Variants in NALF1 observed in about 807,000 individuals in gnomAD.
The protein encoded by NALF1 is NALCN channel auxiliary factor 1, also known as family with sequence similarity 155 member A.
Under a neutral mutation model 48.4 loss-of-function variants are expected in NALF1, and 3 were observed. That is an observed-to-expected ratio of 0.06 (90% confidence interval 0.03 to 0.16). The LOEUF is 0.16. NALF1 is among the 10% of genes least tolerant of loss of function. The probability of loss-of-function intolerance (pLI) is 1.00; values close to 1 mark genes in which losing one functional copy is unlikely to be tolerated. For synonymous variants in NALF1, 262 were observed against 245.7 expected, an observed-to-expected ratio of 1.07 and a Z score of -0.62; for missense variants, 526 against 571.5, an observed-to-expected ratio of 0.92 and a Z score of 0.81.
intron 1 of NALF1, among the ~76,000 whole-genome samples, chr13:107,340,466 CTTCTCTCTTTCTTTCTTTCTTTT>C (rs1280494952): frequency 9.8e-6 from 1 of 101,700 alleles, no homozygotes; most frequent in Non-Finnish European, 2.4e-5. Flanking sequence ...TTCTTTCTTT[CTTCTCTCTTTCTTTCTTTCTTTT>C]TGTCTTTCTT....
chr13:107,364,407 T>C (rs1883115653), intron 1 of NALF1, among the ~76,000 whole-genome samples: 2 of 152,230 alleles, frequency 1.3e-5, no homozygotes, highest in South Asian at 4.1e-4. Flanking sequence ...CCTGTCCACA[T>C]ATGTAACATA....
At chr13:107,514,521 G>T (rs975582235) in intron 1 of NALF1, among the ~76,000 whole-genome samples, 1 of 152,004 alleles carries the variant, frequency 6.6e-6, no homozygotes, top group African/African-American at 2.4e-5. Context: ...ATGGGCCCAG[G>T]TTTGAAGGCC....
intron 1 of NALF1, among the ~76,000 whole-genome samples, chr13:107,859,880 A>C (rs1880523363): frequency 7.1e-6 from 1 of 140,794 alleles, no homozygotes; most frequent in Admixed American, 7.8e-5. Flanking sequence ...ACGCCACTGC[A>C]CTCCAGCCTG....
intron 2 of NALF1, among the ~76,000 whole-genome samples, chr13:107,209,888 A>G (rs924968614): frequency 2.0e-5 from 3 of 152,118 alleles, no homozygotes; most frequent in African/African-American, 7.2e-5. Context: ...CTCACCATTT[A>G]ATTATCTTTT....
chr13:107,614,787 C>CT (rs1256420986), intron 1 of NALF1, among the ~76,000 whole-genome samples: 4 of 111,372 alleles, frequency 3.6e-5, no homozygotes, highest in African/African-American at 1.3e-4. Context: ...TCTTTCTTTT[C>CT]TTTTTTTGAA....
chr13:107,477,168 C>T (rs1028182766), intron 1 of NALF1, among the ~76,000 whole-genome samples: 12 of 151,990 alleles, frequency 7.9e-5, no homozygotes, highest in African/African-American at 1.4e-4. Context: ...AGTTTAATAA[C>T]GAGGACCAAG....
chr13:107,435,008 C>T (rs570303162), intron 1 of NALF1, among the ~76,000 whole-genome samples: 33 of 152,196 alleles, frequency 2.2e-4, no homozygotes, highest in African/African-American at 7.7e-4. Context: ...AGGTGGATTT[C>T]TGGAGGCAAC....
intron 1 of NALF1, among the ~76,000 whole-genome samples, chr13:107,535,001 A>G (rs1415663226): frequency 2.6e-5 from 4 of 152,144 alleles, no homozygotes; most frequent in Non-Finnish European, 4.4e-5. Flanking sequence ...TTATTGCTGT[A>G]TAAGAATGCT....
intron 1 of NALF1, among the ~76,000 whole-genome samples, chr13:107,528,967 G>T (rs904494967): frequency 1.3e-5 from 2 of 152,150 alleles, no homozygotes; most frequent in Non-Finnish European, 2.9e-5. Flanking sequence ...CTCTGCCCAT[G>T]AAACGTGTTC....
chr13:107,543,740 C>T lies in NALF1; in HGVS notation c.915+321942G>A, dbSNP rs117438329. Among the ~76,000 whole-genome samples the T allele has an allele frequency of 8.3e-3, 1,256 of 151,868 alleles. 13 individuals are homozygous for T. The highest frequency in any genetic ancestry group is 0.013 in the Non-Finnish European group (874 of 67,946). On this transcript the variant is annotated intron_variant, in intron 1 of 2. Coordinates refer to ENST00000375915, the MANE Select transcript of NALF1 (RefSeq NM_001080396.3). Reference sequence around the variant, plus strand: ...ACATACATACATGTATATATACACACACATTTATACATGTATATATACACA... The same window carrying T: ...ACATACATACATGTATATATACACATACATTTATACATGTATATATACACA...
chr13:107,522,244 C>A (rs140695625), intron 1 of NALF1, among the ~76,000 whole-genome samples: 87 of 152,176 alleles, frequency 5.7e-4, no homozygotes, highest in Admixed American at 1.5e-3. Flanking sequence ...TCTCGTATTT[C>A]GTATCCTCTC....
intron 1 of NALF1, among the ~76,000 whole-genome samples, chr13:107,802,402 A>T (rs1245030188): frequency 6.6e-6 from 1 of 152,190 alleles, no homozygotes. Flanking sequence ...AGATTGTTAA[A>T]CATACCACTA....
chr13:107,347,934 C>T (rs927823711), intron 1 of NALF1, among the ~76,000 whole-genome samples: 11 of 152,184 alleles, frequency 7.2e-5, no homozygotes, highest in African/African-American at 2.4e-4. Context: ...AGCGACTCTA[C>T]GCCAGCCTGG....
intron 1 of NALF1, among the ~76,000 whole-genome samples, chr13:107,770,818 T>G (rs1224012803): frequency 6.6e-6 from 1 of 152,228 alleles, no homozygotes; most frequent in African/African-American, 2.4e-5. Context: ...TGACCTGACT[T>G]ACATTTTTCT....
intron 1 of NALF1, among the ~76,000 whole-genome samples, chr13:107,834,204 T>C (rs941033090): frequency 1.3e-5 from 2 of 152,176 alleles, no homozygotes; most frequent in African/African-American, 2.4e-5. Context: ...TAGATGCAAA[T>C]ACTATGCCAT....
At chr13:107,715,834 T>C (rs1282921736) in intron 1 of NALF1, among the ~76,000 whole-genome samples, 2 of 152,218 alleles carry the variant, frequency 1.3e-5, no homozygotes, top group African/African-American at 4.8e-5. Flanking sequence ...TTTTTTGAAA[T>C]GTTTTTAAAA....
chr13:107,810,575 T>C (rs930595312), intron 1 of NALF1, among the ~76,000 whole-genome samples: 13 of 152,124 alleles, frequency 8.5e-5, no homozygotes, highest in Non-Finnish European at 1.8e-4. Flanking sequence ...CCTGAAAACA[T>C]CTTAAACTGG....
intron 1 of NALF1, among the ~76,000 whole-genome samples, chr13:107,766,997 T>C (rs747830254): frequency 6.6e-6 from 1 of 152,146 alleles, no homozygotes; most frequent in African/African-American, 2.4e-5. Context: ...CAGAAAGACT[T>C]AGACGTGTGG....
chr13:107,202,894 G>A (rs1189511540), intron 2 of NALF1, among the ~76,000 whole-genome samples: 1 of 152,204 alleles, frequency 6.6e-6, no homozygotes, highest in East Asian at 1.9e-4. Flanking sequence ...CTAAGAGCCA[G>A]GAAATGTGGA....
Sources: allele counts gnomAD v4.1 joint callset (sites outside exome capture counted in the v4.1 genomes callset), GRCh38; gene constraint gnomAD v4.1.1; transcripts MANE v1.5; gene names NCBI Gene and HGNC (gene_info 2026-07-23, HGNC 2026-07-21).